COA1: variants seen among roughly 807,000 people sequenced by gnomAD.
COA1 encodes cytochrome c oxidase assembly factor 1 homolog.
In COA1, 13 loss-of-function variants were observed where a neutral mutation model predicts 16.0. The ratio of observed to expected loss-of-function variants is 0.81; its 90% CI spans 0.53 to 1.29. The LOEUF (loss-of-function observed/expected upper bound fraction) is 1.29. Ranked by LOEUF, COA1 falls within the 50% of genes most tolerant of loss-of-function variation. COA1 has a pLI of 0.00. For missense variants in COA1, 179 were observed against 177.0 expected (o/e 1.01, Z -0.06); for synonymous variants, 65 against 65.7 (o/e 0.99, Z 0.05).
chr7:43,645,492 GT>G, intron 3 of COA1, 93 bp from the exon 4 acceptor site: 1 of 1,149,746 alleles, frequency 8.7e-7, no homozygotes, highest in African/African-American at 1.5e-5. Flanking sequence ...GACGTACAGG[GT>G]AGAAACAGAA....
chr7:43,697,839 G>A (rs918776010), intron 1 of COA1, among the ~76,000 whole-genome samples: 1 of 152,132 alleles, frequency 6.6e-6, no homozygotes, highest in Non-Finnish European at 1.5e-5. Context: ...CTACGCAAGG[G>A]CTGTGAAATG....
chr7:43,720,781 GT>G (rs1254268706), intron 1 of COA1, among the ~76,000 whole-genome samples: 6 of 152,242 alleles, frequency 3.9e-5, no homozygotes, highest in African/African-American at 1.4e-4. Flanking sequence ...CAGACATTAA[GT>G]TGCTGGAAGT....
intron 6 of COA1, among the ~76,000 whole-genome samples, chr7:43,618,313 A>G (rs927020757): frequency 1.2e-4 from 18 of 152,176 alleles, no homozygotes; most frequent in African/African-American, 4.3e-4. Flanking sequence ...GAGGGATGAG[A>G]ATAAATCTGT....
At chr7:43,669,221 G>A (rs2153192516) in intron 1 of COA1, among the ~76,000 whole-genome samples, 1 of 152,306 alleles carries the variant, frequency 6.6e-6, no homozygotes, top group East Asian at 1.9e-4. Flanking sequence ...GGATGTTATA[G>A]GAGTTTATTA....
chr7:43,619,817 A>G (rs1018848082), intron 6 of COA1: 79 of 1,421,860 alleles, frequency 5.6e-5, no homozygotes, highest in Non-Finnish European at 4.8e-6. Flanking sequence ...GGAGCCAGCT[A>G]TCTACTATGT....
At chr7:43,624,809 GCTA>G in intron 6 of COA1, 1 of 1,604,532 alleles carries the variant, frequency 6.2e-7, no homozygotes. Flanking sequence ...AGGAACCTTT[GCTA>G]CAAGAAATTC....
At chr7:43,720,233 G>A (rs549317873) in intron 1 of COA1, among the ~76,000 whole-genome samples, 11 of 151,606 alleles carry the variant, frequency 7.3e-5, no homozygotes, top group East Asian at 5.8e-4. Context: ...AGCCAAGATC[G>A]CACCACTGCA....
intron 1 of COA1, among the ~76,000 whole-genome samples, chr7:43,694,366 A>G (rs2094466742): frequency 6.6e-6 from 1 of 151,644 alleles, no homozygotes; most frequent in South Asian, 2.1e-4. Flanking sequence ...TATTTTTGCC[A>G]TCTCCAATTC....
intron 1 of COA1, among the ~76,000 whole-genome samples, chr7:43,677,990 A>G (rs2093612246): frequency 6.6e-6 from 1 of 152,076 alleles, no homozygotes; most frequent in African/African-American, 2.4e-5. Context: ...ACCAAACAGT[A>G]TTTAAAAACT....
At chr7:43,658,068 A>AT (rs905003313) in intron 1 of COA1, among the ~76,000 whole-genome samples, 78 of 147,074 alleles carry the variant, frequency 5.3e-4, no homozygotes, top group African/African-American at 1.7e-3. Context: ...TATTTTATTT[A>AT]TTTTTTTTAA....
chr7:43,691,427 AAG>A (rs1563385828), intron 1 of COA1, among the ~76,000 whole-genome samples: 98 of 61,280 alleles, frequency 1.6e-3, no homozygotes, highest in South Asian at 2.4e-3. Flanking sequence ...AAGAAAAAGA[AAG>A]AAAGAAAGAA....
At chr7:43,722,610 C>T (rs1246915265) in intron 1 of COA1, among the ~76,000 whole-genome samples, 1 of 151,910 alleles carries the variant, frequency 6.6e-6, no homozygotes, top group Non-Finnish European at 1.5e-5. Flanking sequence ...ACCATGTTGG[C>T]CAGGCTGGTC....
At chr7:43,661,395 G>C (rs1204711910) in intron 1 of COA1, among the ~76,000 whole-genome samples, 2 of 152,172 alleles carry the variant, frequency 1.3e-5, no homozygotes, top group Admixed American at 1.3e-4. Flanking sequence ...CCAGCACTTT[G>C]GGAGGCCAAA....
chr7:43,639,612 CCCA>C lies in COA1; in HGVS notation c.408_410del (p.Ser136_Gly137delinsArg), dbSNP rs745428154. The C allele has an allele frequency of 6.2e-7, 1 of 1,613,974 alleles. No homozygotes were observed. Among genetic ancestry groups the C allele is most frequent in the East Asian group, 2.2e-5 (1 of 44,862 alleles). ...CCTTTTTCACTTCATCACCGTTTTCCCCACTGAGCTTGAACACAGGAATCTGCT... is the reference window on the plus strand; with the variant it reads ...CCTTTTTCACTTCATCACCGTTTTCCCTGAGCTTGAACACAGGAATCTGCT... On this transcript the variant is annotated inframe_deletion, in exon 6 of 6. Transcript: ENST00000223336.
chr7:43,620,921 C>T lies in COA1; in HGVS notation c.*134-11426G>A, dbSNP rs1725653433. On this transcript the variant is annotated intron_variant and NMD_transcript_variant, in intron 6 of 6. Transcript: ENST00000415076. The stretch of plus-strand genomic sequence containing the variant: ...GCTGTGGCCTGGGCCTGAGGGAAGA[C>T]TCTGTGCCTGAGGGTAGAAGTGTGA... 2.6e-5 allele frequency among the ~76,000 whole-genome samples: 4 copies of T among 152,220 alleles called. No individual in the cohort carries two copies. The East Asian group carries it at 5.8e-4, about 22-fold the overall frequency.
chr7:43,662,445 T>C (rs1176462183), intron 1 of COA1, among the ~76,000 whole-genome samples: 1 of 152,198 alleles, frequency 6.6e-6, no homozygotes, highest in Admixed American at 6.5e-5. Context: ...GTTGGCCAGC[T>C]GGTCTTGAAC....
intron 1 of COA1, among the ~76,000 whole-genome samples, chr7:43,722,671 G>C (rs570345227): frequency 1.3e-5 from 2 of 152,182 alleles, no homozygotes; most frequent in South Asian, 4.2e-4. Context: ...CCAAAGTGCT[G>C]GGATTACAGG....
intron 1 of COA1, among the ~76,000 whole-genome samples, chr7:43,689,546 AAAAT>A (rs2094183035): frequency 6.6e-6 from 1 of 152,224 alleles, no homozygotes. Flanking sequence ...AAATGAAGGC[AAAAT>A]AAATACTTTC....
At chr7:43,689,858 T>C (rs1019228375) in intron 1 of COA1, among the ~76,000 whole-genome samples, 1 of 152,184 alleles carries the variant, frequency 6.6e-6, no homozygotes, top group African/African-American at 2.4e-5. Context: ...CTTAGAGACA[T>C]ATAACCCTAG....
Sources: gnomAD v4.1 joint callset for allele counts (sites outside exome capture counted in the v4.1 genomes callset) on GRCh38, gnomAD v4.1.1 for gene constraint, MANE v1.5 for transcripts, NCBI Gene and HGNC (gene_info 2026-07-23, HGNC 2026-07-21) for gene names.